The following GPR158 variants were observed in gnomAD, a reference collection of about 807,000 sequenced individuals.
GPR158 encodes metabotropic glycine receptor.
In GPR158, 30 loss-of-function variants were observed where a neutral mutation model predicts 78.2. The ratio of observed to expected loss-of-function variants is 0.38; its 90% CI spans 0.29 to 0.52. GPR158 has a LOEUF of 0.52. Among genes scored for constraint, GPR158 ranks in the 20% least tolerant of loss-of-function variants. The pLI is 0.83. For missense variants in GPR158, 1,463 were observed against 1,523.5 expected (o/e 0.96, Z 0.66); for synonymous variants, 581 against 591.1 (o/e 0.98, Z 0.25).
intron 1 of GPR158, among the ~76,000 whole-genome samples, chr10:25,198,466 A>T (rs1009732430): frequency 3.3e-5 from 5 of 152,176 alleles, no homozygotes; most frequent in African/African-American, 1.2e-4. Context: ...TACAATTTAC[A>T]TTATCACAGG....
intron 2 of GPR158, among the ~76,000 whole-genome samples, chr10:25,338,378 T>C (rs1293834672): frequency 2.2e-5 from 3 of 139,526 alleles, no homozygotes; most frequent in African/African-American, 8.7e-5. Context: ...ACTATATCTA[T>C]ATATCTCTCT....
intron 10 of GPR158, among the ~76,000 whole-genome samples, chr10:25,597,419 G>A (rs979817828): frequency 6.6e-6 from 1 of 152,190 alleles, no homozygotes; most frequent in African/African-American, 2.4e-5. Context: ...CTTGATGCAA[G>A]GTTAGAATAC....
At chr10:25,289,442 T>C (rs552093807) in intron 2 of GPR158, among the ~76,000 whole-genome samples, 10 of 152,136 alleles carry the variant, frequency 6.6e-5, no homozygotes, top group Admixed American at 2.6e-4. Context: ...TTTTTATTTT[T>C]ATTTTTTTGA....
intron 7 of GPR158, among the ~76,000 whole-genome samples, chr10:25,579,342 C>CTGT (rs1412725809): frequency 2.6e-5 from 4 of 152,242 alleles, no homozygotes; most frequent in South Asian, 4.1e-4. Context: ...CCTGAATTAA[C>CTGT]TGTTATAATT....
At chr10:25,538,552 G>A (rs1199130985) in intron 5 of GPR158, among the ~76,000 whole-genome samples, 1 of 152,080 alleles carries the variant, frequency 6.6e-6, no homozygotes, top group African/African-American at 2.4e-5. Context: ...TTATTCATAG[G>A]TGTGATTATC....
rs779395648 is a variant in GPR158 at position 25,175,831 on chromosome 10, C to T, written c.411C>T (p.Asn137=). The part of the protein sequence containing the change: ...DTLTHATNFL[N]VMLQSNKSRE... Reference sequence around the variant, plus strand: ...TGACACACGCCACCAACTTCCTCAACGTGATGCTGCAGAGCAATAAGTCGC... The same window carrying T: ...TGACACACGCCACCAACTTCCTCAATGTGATGCTGCAGAGCAATAAGTCGC... The change falls in exon 1 of 11, where the codon AAC becomes AAT. Residue 137 remains asparagine, a synonymous_variant. Transcript: ENST00000376351. The surrounding 1 kb of genome is among the most constrained non-coding windows in gnomAD (Gnocchi z 6.4). The T allele has an allele frequency of 1.9e-6, 3 of 1,613,300 alleles. No individual in the cohort carries two copies. Among genetic ancestry groups the T allele is most frequent in the East Asian group, 2.2e-5 (1 of 44,866 alleles).
intron 1 of GPR158, among the ~76,000 whole-genome samples, chr10:25,186,417 A>AATC (rs887328456): frequency 1.1e-4 from 17 of 152,314 alleles, no homozygotes; most frequent in African/African-American, 4.1e-4. Flanking sequence ...CCCTTCAAAA[A>AATC]ATCAGTGAAT....
chr10:25,330,972 G>A (rs2130491956), intron 2 of GPR158, among the ~76,000 whole-genome samples: 1 of 152,162 alleles, frequency 6.6e-6, no homozygotes, highest in South Asian at 2.1e-4. Flanking sequence ...AAAGGGTGTG[G>A]CTTTCTCCCA....
rs376051727 is a variant in GPR158, at chr10:25,412,275, A to C, written c.1137A>C (p.Ser379=). 1.2e-5 allele frequency: 19 copies of C among 1,613,792 alleles called. 1 individual carries two copies. Among genetic ancestry groups the C allele is most frequent in the Non-Finnish European group, 1.4e-5 (16 of 1,179,790 alleles). The stretch of plus-strand genomic sequence containing the variant: ...GAAGGGGTCCGGATCAGCATATTTC[A>C]GGAAGTACAAAAGATGTGTCAGAAG... ...FRRRGPDQHI[S]GSTKDVSEEA... Residue 379 remains serine, a synonymous_variant, in exon 4 of 11, where the codon TCA becomes TCC. Coordinates refer to ENST00000376351, the MANE Select transcript of GPR158 (RefSeq NM_020752.3).
intron 5 of GPR158, among the ~76,000 whole-genome samples, chr10:25,520,362 CTT>C (rs1358436201): frequency 5.4e-5 from 8 of 147,016 alleles, no homozygotes; most frequent in Non-Finnish European, 7.5e-5. Flanking sequence ...CTGAAGCCTT[CTT>C]CTCTCAGCTC....
At chr10:25,423,403 T>C (rs1005426407) in intron 4 of GPR158, among the ~76,000 whole-genome samples, 1 of 143,908 alleles carries the variant, frequency 6.9e-6, no homozygotes, top group Non-Finnish European at 1.5e-5. Context: ...TTTTTTTTTT[T>C]ATACTTTAAG....
rs543777274 is a variant in GPR158 at position 25,387,806 on chromosome 10, G to T, written c.1009-8105G>T. On this transcript the variant is annotated intron_variant, in intron 2 of 10. Coordinates refer to ENST00000376351, the MANE Select transcript of GPR158 (RefSeq NM_020752.3). Reference sequence around the variant, plus strand: ...TGTGATTACAGGTGTGAGCCACCGTGCCTGGGCTTCTCCTCAATTTTTTGC... The same window carrying T: ...TGTGATTACAGGTGTGAGCCACCGTTCCTGGGCTTCTCCTCAATTTTTTGC... Among the ~76,000 whole-genome samples, 34 of 152,248 alleles carry T rather than the reference G, an allele frequency of 2.2e-4. 1 individual carries two copies. The South Asian group carries it at 6.8e-3, about 31-fold the overall frequency.
intron 2 of GPR158, among the ~76,000 whole-genome samples, chr10:25,367,943 G>A (rs1833917149): frequency 6.6e-6 from 1 of 151,818 alleles, no homozygotes; most frequent in Non-Finnish European, 1.5e-5. Context: ...TAATAAACAG[G>A]CTGGATTTCC....
At chr10:25,474,952 G>A (rs115383381) in intron 5 of GPR158, among the ~76,000 whole-genome samples, 2,685 of 152,172 alleles carry the variant, frequency 0.018, 88 homozygotes, top group African/African-American at 0.062. Flanking sequence ...CAGAAGTTCA[G>A]TTCATTTTGA....
In GPR158 at chr10:25,598,835, A is replaced by C. The variant is rs746570018; in HGVS notation, c.3209A>C (p.Glu1070Ala). ...QSNQKRIDKA[E>A]VCLWESQGQS... ...AATCAGAAGCGCATAGATAAGGCTG[A>C]AGTATGCCTTTGGGAGAGCCAAGGC... The change falls in exon 11 of 11, where the codon GAA becomes GCA. Residue 1070 changes from glutamate (E) to alanine (A), a missense_variant. Physicochemically the swap from Glu to Ala is moderately radical, Grantham distance 107. Transcript: ENST00000376351. 6.2e-6 allele frequency: 10 copies of C among 1,614,158 alleles called. No individual in the cohort carries two copies. The highest frequency in any genetic ancestry group is 4.4e-5 in the South Asian group (4 of 91,086).
At chr10:25,356,528 T>A (rs1855554672) in intron 2 of GPR158, among the ~76,000 whole-genome samples, 1 of 152,098 alleles carries the variant, frequency 6.6e-6, no homozygotes, top group East Asian at 1.9e-4. Context: ...GATGATTGAA[T>A]CATGGGGGAG....
chr10:25,566,790 T>C (rs1836934953), intron 6 of GPR158, among the ~76,000 whole-genome samples: 1 of 140,856 alleles, frequency 7.1e-6, no homozygotes, highest in African/African-American at 3.1e-5. Flanking sequence ...ATTCATCCAC[T>C]GACCAAGAAG....
intron 6 of GPR158, among the ~76,000 whole-genome samples, chr10:25,564,449 C>T (rs1305188137): frequency 6.6e-6 from 1 of 152,126 alleles, no homozygotes; most frequent in African/African-American, 2.4e-5. Flanking sequence ...ATTCATTGTC[C>T]CGGGTAGCAT....
intron 2 of GPR158, among the ~76,000 whole-genome samples, chr10:25,283,574 G>A (rs1413800237): frequency 6.6e-6 from 1 of 151,730 alleles, no homozygotes; most frequent in Non-Finnish European, 1.5e-5. Flanking sequence ...CTCGCTTTTG[G>A]TTTTGTTGAT....
Sources: gnomAD v4.1 joint callset for allele counts (sites outside exome capture counted in the v4.1 genomes callset) on GRCh38, gnomAD v4.1.1 for gene constraint, Gnocchi (gnomAD v3.1) non-coding constraint, MANE v1.5 for transcripts, NCBI Gene and HGNC (gene_info 2026-07-23, HGNC 2026-07-21) for gene names.